The following AGBL3 variants were observed in gnomAD, a reference collection of about 807,000 sequenced individuals.
AGBL3 encodes the protein AGBL carboxypeptidase 3.
In AGBL3, 68 loss-of-function variants were observed where a neutral mutation model predicts 94.5. That is an observed-to-expected ratio of 0.72 (90% CI 0.59 to 0.88). The LOEUF (loss-of-function observed/expected upper bound fraction) is 0.88, where lower values mean the gene tolerates loss of function less well. AGBL3 is among the 40% of genes least tolerant of loss of function. AGBL3 has a pLI of 0.00. For missense variants in AGBL3, 934 were observed against 1,103.8 expected (o/e 0.85, Z 2.18); for synonymous variants, 354 against 370.7 (o/e 0.95, Z 0.52).
Position 135,044,156 on chromosome 7 carries a change from GACCAA to G in AGBL3, c.1627+6_1627+10del, listed in dbSNP as rs953777086. ...CCTTCTGTGGATCTACTCTGGGTAA[GACCAA>G]GGGTTCTCATTCACAGCTCTCAAAG... On this transcript the variant is annotated splice_donor_region_variant and intron_variant, in intron 9 of 16. Coordinates refer to ENST00000436302, the MANE Select transcript of AGBL3 (RefSeq NM_178563.4). The G allele has an allele frequency of 1.2e-5, 19 of 1,544,214 alleles. No individual in the cohort carries two copies. The highest frequency in any genetic ancestry group is 2.7e-5 in the African/African-American group (2 of 72,814).
chr7:134,990,571 CT>C (rs930661393), intron 3 of AGBL3, among the ~76,000 whole-genome samples: 1 of 152,092 alleles, frequency 6.6e-6, no homozygotes, highest in African/African-American at 2.4e-5. Context: ...TGTACAAGTC[CT>C]TGTGTGAACA....
intron 5 of AGBL3, among the ~76,000 whole-genome samples, chr7:135,019,917 T>A (rs1441320404): frequency 6.6e-6 from 1 of 152,166 alleles, no homozygotes; most frequent in African/African-American, 2.4e-5. Context: ...TAATTTAAGA[T>A]GGATTAAAGA....
chr7:135,109,224 T>G (rs745910360), intron 15 of AGBL3, among the ~76,000 whole-genome samples: 36 of 152,224 alleles, frequency 2.4e-4, no homozygotes, highest in Non-Finnish European at 4.3e-4. Context: ...GTTGGAGAAC[T>G]GATGCAGTCA....
chr7:135,036,246 T>G (rs4348415), intron 7 of AGBL3, among the ~76,000 whole-genome samples: 1 of 152,020 alleles, frequency 6.6e-6, no homozygotes, highest in Non-Finnish European at 1.5e-5. Flanking sequence ...TTTAAAGCCT[T>G]TTCTATTAAT....
At chr7:135,098,572 G>T (rs558159318) in intron 15 of AGBL3, among the ~76,000 whole-genome samples, 1 of 152,244 alleles carries the variant, frequency 6.6e-6, no homozygotes, top group Admixed American at 6.5e-5. Context: ...TTGTTGACAG[G>T]ATATCTAACT....
At chr7:135,128,777 G>T in intron 16 of AGBL3, 1 of 1,278,044 alleles carries the variant, frequency 7.8e-7, no homozygotes, top group South Asian at 1.3e-5. Context: ...GATTTTGGAG[G>T]AACTTCTGGA....
intron 12 of AGBL3, among the ~76,000 whole-genome samples, chr7:135,059,981 C>T (rs1263994618): frequency 6.6e-6 from 1 of 152,184 alleles, no homozygotes; most frequent in African/African-American, 2.4e-5. Context: ...GTCAACTGGT[C>T]TTGGATTCAG....
At chr7:135,096,359 G>GAGAGAGAC (rs1822698068) in intron 15 of AGBL3, among the ~76,000 whole-genome samples, 1 of 150,366 alleles carries the variant, frequency 6.7e-6, no homozygotes, top group Non-Finnish European at 1.5e-5. Context: ...AAGAAAGAGA[G>GAGAGAGAC]AGACAGACAG....
intron 5 of AGBL3, among the ~76,000 whole-genome samples, chr7:135,020,316 C>G (rs1173639426): frequency 6.6e-6 from 1 of 152,212 alleles, no homozygotes; most frequent in African/African-American, 2.4e-5. Flanking sequence ...AAGTGCTCAT[C>G]ATCACTGGCC....
In AGBL3 at chr7:135,037,020, A is replaced by G. The variant is rs571289473; in HGVS notation, c.1338-398A>G. 1.4e-3 allele frequency among the ~76,000 whole-genome samples: 212 copies of G among 152,190 alleles called. 1 individual carries two copies. The highest frequency in any genetic ancestry group is 4.7e-3 in the African/African-American group (196 of 41,528). On this transcript the variant is annotated intron_variant, in intron 7 of 16. Coordinates refer to ENST00000436302, the MANE Select transcript of AGBL3 (RefSeq NM_178563.4). ...CTGCAACCTCTGCCTCCTGGGTTCA[A>G]GCAATTCTCCTGCCTCAGCCTCCCA...
chr7:135,054,890 T>C (rs937453426), intron 11 of AGBL3, among the ~76,000 whole-genome samples: 12 of 152,192 alleles, frequency 7.9e-5, no homozygotes, highest in African/African-American at 2.9e-4. Flanking sequence ...GGGTAATTTA[T>C]AAAGAAAACA....
chr7:134,994,583 T>C (rs1358765744), intron 4 of AGBL3, among the ~76,000 whole-genome samples: 1 of 152,046 alleles, frequency 6.6e-6, no homozygotes, highest in Non-Finnish European at 1.5e-5. Context: ...GTGGAGATCT[T>C]ATGGACACTC....
chr7:135,088,392 ATTGT>A (rs1388841809), intron 15 of AGBL3, among the ~76,000 whole-genome samples: 3 of 151,546 alleles, frequency 2.0e-5, no homozygotes, highest in African/African-American at 7.3e-5. Context: ...CTTCTCTCTT[ATTGT>A]TTATCATTGT....
At chr7:135,030,790 A>G (rs1297353422) in intron 5 of AGBL3, among the ~76,000 whole-genome samples, 1 of 151,542 alleles carries the variant, frequency 6.6e-6, no homozygotes, top group African/African-American at 2.4e-5. Context: ...GACAATTTTT[A>G]TTTGTTTCCA....
chr7:135,024,898 G>A (rs1176656104), intron 5 of AGBL3, among the ~76,000 whole-genome samples: 1 of 148,580 alleles, frequency 6.7e-6, no homozygotes, highest in African/African-American at 2.4e-5. Flanking sequence ...CTCAGAGCTT[G>A]AATAAACTCA....
chr7:135,007,558 T>C (rs1812549600), intron 4 of AGBL3, among the ~76,000 whole-genome samples: 1 of 151,992 alleles, frequency 6.6e-6, no homozygotes. Flanking sequence ...AGCTAATATC[T>C]ACTTAATGGT....
chr7:135,091,430 T>C (rs1021063026), intron 15 of AGBL3, among the ~76,000 whole-genome samples: 5 of 152,192 alleles, frequency 3.3e-5, no homozygotes, highest in African/African-American at 1.2e-4. Flanking sequence ...TTTCACATCC[T>C]TTGAATACAG....
At chr7:135,028,997 G>A (rs1459179948) in intron 5 of AGBL3, among the ~76,000 whole-genome samples, 2 of 152,112 alleles carry the variant, frequency 1.3e-5, no homozygotes, top group African/African-American at 4.8e-5. Flanking sequence ...TTTTCTGAGA[G>A]GTCAGTCTCA....
intron 12 of AGBL3, among the ~76,000 whole-genome samples, chr7:135,070,474 C>G (rs1187521743): frequency 2.6e-5 from 4 of 152,152 alleles, no homozygotes; most frequent in African/African-American, 4.8e-5. Flanking sequence ...CAAAAATCCT[C>G]AATAAAATAC....
Sources: gnomAD v4.1 joint callset for allele counts (sites outside exome capture counted in the v4.1 genomes callset) on GRCh38, gnomAD v4.1.1 for gene constraint, MANE v1.5 for transcripts, NCBI Gene and HGNC (gene_info 2026-07-23, HGNC 2026-07-21) for gene names.